The following IL1RAP variants were observed in gnomAD, a reference collection of about 807,000 sequenced individuals.
The protein encoded by IL1RAP is interleukin 1 receptor accessory protein, also known as interleukin-1 receptor accessory protein.
A neutral mutation model predicts 60.7 loss-of-function variants in IL1RAP; 35 were observed. The observed-to-expected ratio is 0.58, with a 90% CI of 0.44 to 0.76. The LOEUF (loss-of-function observed/expected upper bound fraction) is 0.76. Among genes scored for constraint, IL1RAP ranks in the 30% least tolerant of loss-of-function variants. IL1RAP has a pLI of 0.00. For synonymous variants in IL1RAP, 268 were observed against 250.9 expected, an observed-to-expected ratio of 1.07 and a Z score of -0.64; for missense variants, 572 against 693.9, an observed-to-expected ratio of 0.82 and a Z score of 1.97.
chr3:190,544,164 C>A (rs1724178581), intron 1 of IL1RAP, among the ~76,000 whole-genome samples: 1 of 152,130 alleles, frequency 6.6e-6, no homozygotes, highest in Non-Finnish European at 1.5e-5. Context: ...TAAGGTCACA[C>A]AGGTGAAAGG....
At chr3:190,619,727 CA>C (rs113083710) in intron 5 of IL1RAP, among the ~76,000 whole-genome samples, 362 of 129,352 alleles carry the variant, frequency 2.8e-3, no homozygotes, top group East Asian at 3.1e-3. Flanking sequence ...GACCCTATCT[CA>C]AAAAAAAAAA....
chr3:190,617,082 G>A (rs375314218), intron 5 of IL1RAP, among the ~76,000 whole-genome samples: 87 of 152,274 alleles, frequency 5.7e-4, no homozygotes, highest in Middle Eastern at 3.4e-3. Flanking sequence ...CTCAACAGAT[G>A]TTAATATTCT....
chr3:190,564,850 A>G (rs1726235274), intron 3 of IL1RAP, among the ~76,000 whole-genome samples: 1 of 152,192 alleles, frequency 6.6e-6, no homozygotes, highest in African/African-American at 2.4e-5. Context: ...GCTTTATAAG[A>G]GGAACCAGCT....
At chr3:190,535,907 C>T (rs1723422725) in intron 1 of IL1RAP, among the ~76,000 whole-genome samples, 1 of 152,176 alleles carries the variant, frequency 6.6e-6, no homozygotes, top group Non-Finnish European at 1.5e-5. Flanking sequence ...GGTTGTCTTT[C>T]TCAGGTGTAT....
intron 1 of IL1RAP, among the ~76,000 whole-genome samples, chr3:190,527,404 G>A (rs1293897532): frequency 6.6e-6 from 1 of 152,228 alleles, no homozygotes; most frequent in African/African-American, 2.4e-5. Context: ...TTGCAGGGCT[G>A]TGGTGATAAA....
intron 1 of IL1RAP, chr3:190,555,926 G>GTCTGTCTATCTA (rs1553836079): frequency 3.6e-4 from 52 of 145,126 alleles, no homozygotes; most frequent in African/African-American, 1.0e-3. Flanking sequence ...ATAGAGATCT[G>GTCTGTCTATCTA]TCTATCTATC....
At chr3:190,654,732 G>A (rs2108874523), downstream of IL1RAP, among the ~76,000 whole-genome samples, 1 of 152,280 alleles carries the variant, frequency 6.6e-6, no homozygotes, top group Middle Eastern at 3.4e-3. Context: ...TTCGTCCCTG[G>A]ACCAAAAGCA....
chr3:190,640,690 C>T (rs1489207991), intron 9 of IL1RAP, among the ~76,000 whole-genome samples: 1 of 152,078 alleles, frequency 6.6e-6, no homozygotes, highest in Non-Finnish European at 1.5e-5. Context: ...CTCAGATTTC[C>T]TAGAGAAACG....
rs762224846 is a variant in IL1RAP, at chr3:190,627,292, T to G, written c.776-31T>G. The G allele has an allele frequency of 6.2e-6, 9 of 1,453,842 alleles. No individual in the cohort carries two copies. In the Admixed American group the frequency reaches 1.6e-4, roughly 25 times the overall value. 90.1% of individuals were successfully genotyped at this position (1,453,842 alleles called of 1,614,324 possible). On this transcript the variant is annotated intron_variant, in intron 7 of 11. Coordinates refer to ENST00000447382, the MANE Select transcript of IL1RAP (RefSeq NM_002182.4). ...TTGTTTTGTTTTGTTTTGTTTTTTG[T>G]TTTTTTTGTTTTTTTGGTTTTTTTT...
chr3:190,590,140 A>G, intron 3 of IL1RAP, among the ~76,000 whole-genome samples: 1 of 152,054 alleles, frequency 6.6e-6, no homozygotes, highest in East Asian at 1.9e-4. Flanking sequence ...GTATCATCTT[A>G]TTTACCGCTA....
chr3:190,644,933 T>A (rs1733908529), intron 10 of IL1RAP, among the ~76,000 whole-genome samples: 1 of 152,172 alleles, frequency 6.6e-6, no homozygotes, highest in Non-Finnish European at 1.5e-5. Flanking sequence ...CCACACTCCT[T>A]GTACTCAGAT....
chr3:190,585,775 G>A (rs1381583408), intron 3 of IL1RAP, among the ~76,000 whole-genome samples: 1 of 151,720 alleles, frequency 6.6e-6, no homozygotes, highest in African/African-American at 2.4e-5. Context: ...TTGCATCACT[G>A]CACTCCAGCC....
At chr3:190,563,116 T>G (rs1726058724) in intron 2 of IL1RAP, among the ~76,000 whole-genome samples, 1 of 152,202 alleles carries the variant, frequency 6.6e-6, no homozygotes, top group African/African-American at 2.4e-5. Context: ...AATTTAATGC[T>G]CTTAAAATTG....
Position 190,542,849 on chromosome 3 carries a change from T to C in IL1RAP, c.-88-13281T>C, listed in dbSNP as rs11922352. On this transcript the variant is annotated intron_variant, in intron 1 of 11. Coordinates refer to ENST00000447382, the MANE Select transcript of IL1RAP (RefSeq NM_002182.4). The stretch of plus-strand genomic sequence containing the variant: ...GGGTTAGAAATGGCCATTCGAGTTA[T>C]CCACTGTAACATACACAAAGATTAA... Among the ~76,000 whole-genome samples the C allele has an allele frequency of 7.6e-3, 1,152 of 151,422 alleles. 10 individuals carry two copies. The highest frequency in any genetic ancestry group is 0.026 in the African/African-American group (1,061 of 41,248).
intron 3 of IL1RAP, among the ~76,000 whole-genome samples, chr3:190,589,286 C>T (rs1190413533): frequency 6.6e-6 from 1 of 152,176 alleles, no homozygotes; most frequent in Non-Finnish European, 1.5e-5. Flanking sequence ...GCACCCCCAC[C>T]TCTTGAATTC....
intron 3 of IL1RAP, among the ~76,000 whole-genome samples, chr3:190,600,867 G>C (rs1729797066): frequency 6.6e-6 from 1 of 152,132 alleles, no homozygotes; most frequent in Non-Finnish European, 1.5e-5. Flanking sequence ...GCTGGTTTAG[G>C]ATTTGTCTTT....
At chr3:190,535,997 C>T (rs1460704387) in intron 1 of IL1RAP, among the ~76,000 whole-genome samples, 2 of 152,180 alleles carry the variant, frequency 1.3e-5, no homozygotes, top group Non-Finnish European at 2.9e-5. Flanking sequence ...TGATTTTGAA[C>T]ATGAATTATT....
At chr3:190,553,658 A>G (rs1725093925) in intron 1 of IL1RAP, among the ~76,000 whole-genome samples, 1 of 152,206 alleles carries the variant, frequency 6.6e-6, no homozygotes, top group African/African-American at 2.4e-5. Flanking sequence ...GAAAAGGCCA[A>G]GGAAAGGCTG....
At chr3:190,565,343 T>C (rs1358955792) in intron 3 of IL1RAP, among the ~76,000 whole-genome samples, 1 of 152,176 alleles carries the variant, frequency 6.6e-6, no homozygotes, top group Non-Finnish European at 1.5e-5. Flanking sequence ...TCCTTTTCTT[T>C]GTGAGAGGGC....
Sources: allele counts gnomAD v4.1 joint callset (sites outside exome capture counted in the v4.1 genomes callset), GRCh38; gene constraint gnomAD v4.1.1; transcripts MANE v1.5; gene names NCBI Gene and HGNC (gene_info 2026-07-23, HGNC 2026-07-21).